The following SLC23A2 variants were observed in gnomAD, a reference collection of about 807,000 sequenced individuals.
The protein encoded by SLC23A2 is solute carrier family 23 member 2.
A neutral mutation model predicts 73.3 loss-of-function variants in SLC23A2; 36 were observed. The observed-to-expected ratio is 0.49, with a 90% CI of 0.38 to 0.65. The LOEUF is 0.65. SLC23A2 is among the 30% of genes least tolerant of loss of function. The pLI is 0.00. For synonymous variants in SLC23A2, 343 were observed against 327.3 expected (o/e 1.05, Z -0.52); for missense variants, 507 against 841.6 (o/e 0.60, Z 4.92).
At position 4,853,009 on chromosome 20, in the gene SLC23A2, G is replaced by A. The variant is rs1929582522; in HGVS notation, c.*3963C>T. The A allele has an allele frequency of 6.6e-6, 1 of 152,470 alleles. No individual in the cohort carries two copies. The highest frequency in any genetic ancestry group is 1.5e-5 in the Non-Finnish European group (1 of 68,104). 9.4% of individuals were successfully genotyped at this position (152,470 alleles called of 1,614,324 possible). A position where few individuals can be genotyped will look rare whatever the true frequency, so the allele number is the denominator to read the frequency against. On this transcript the variant is annotated 3_prime_UTR_variant, in exon 17 of 17. Transcript: ENST00000338244. ...CACTACTCGGGTTCTGACTGCAGGA[G>A]GGGCAGAGGGTGGTCGATGTCCTAG...
At chr20:4,925,277 T>C (rs1600139317) in intron 3 of SLC23A2, among the ~76,000 whole-genome samples, 1 of 152,170 alleles carries the variant, frequency 6.6e-6, no homozygotes, top group East Asian at 1.9e-4. Flanking sequence ...ACACAGTTCC[T>C]ATTTTTAAAA....
At chr20:4,908,791 G>C (rs985798981) in intron 4 of SLC23A2, among the ~76,000 whole-genome samples, 2 of 152,172 alleles carry the variant, frequency 1.3e-5, no homozygotes, top group African/African-American at 4.8e-5. Flanking sequence ...AGCCAGGTGT[G>C]GTGGTGCACG....
rs2122804690 is a variant in SLC23A2, at chr20:4,874,460, C to T, written c.945+116G>A. Reference sequence around the variant, plus strand: ...TGAGTGGTCATTAGTAGCCTGGTCTCACTGCACAGATATGATCCCCCAAGG... The same window carrying T: ...TGAGTGGTCATTAGTAGCCTGGTCTTACTGCACAGATATGATCCCCCAAGG... On this transcript the variant is annotated intron_variant, in intron 10 of 16. Coordinates refer to ENST00000338244, the MANE Select transcript of SLC23A2 (RefSeq NM_005116.6). The T allele has an allele frequency of 4.3e-6, 4 of 922,774 alleles. No individual in the cohort carries two copies. The South Asian group carries it at 6.7e-5, about 15-fold the overall frequency. The allele number at this position is 922,774 out of a possible 1,614,324, so 57.2% of individuals were successfully genotyped here.
In SLC23A2 at chr20:4,912,960, C is replaced by A. The variant is rs368985081; in HGVS notation, c.127G>T (p.Ala43Ser). The change falls in exon 4 of 17, where the codon GCC becomes TCC. Residue 43 changes from alanine to serine, a missense_variant. Physicochemically the swap from Ala to Ser is moderately conservative, Grantham distance 99. Coordinates refer to ENST00000338244, the MANE Select transcript of SLC23A2 (RefSeq NM_005116.6). ...TTGTCCTGCTCACCGCTGGAGGTGGCGCCTCCATTTATCACCACCTGCAGA... is the reference window on the plus strand; with the variant it reads ...TTGTCCTGCTCACCGCTGGAGGTGGAGCCTCCATTTATCACCACCTGCAGA... ...FTLPVVINGG[A>S]TSSGEQDNED... is the part of the protein sequence containing the mutation. 6 of 1,611,232 alleles carry A rather than the reference C, an allele frequency of 3.7e-6. No individual in the cohort carries two copies. The highest frequency in any genetic ancestry group is 5.1e-6 in the Non-Finnish European group (6 of 1,177,972).
intron 1 of SLC23A2, among the ~76,000 whole-genome samples, chr20:4,986,652 AC>A (rs2087833655): frequency 2.1e-5 from 1 of 47,176 alleles, no homozygotes; most frequent in Non-Finnish European, 3.9e-5. Flanking sequence ...ACACACATAC[AC>A]ACACACACAC....
At chr20:4,882,824 C>T (rs1930944451) in intron 9 of SLC23A2, among the ~76,000 whole-genome samples, 1 of 152,184 alleles carries the variant, frequency 6.6e-6, no homozygotes, top group African/African-American at 2.4e-5. Flanking sequence ...TTTCACAAAA[C>T]AGAGCAAATG....
chr20:4,957,626 C>T (rs367840603), intron 2 of SLC23A2, among the ~76,000 whole-genome samples: 3 of 150,980 alleles, frequency 2.0e-5, no homozygotes, highest in Non-Finnish European at 4.4e-5. Flanking sequence ...ACAGGCTGAG[C>T]GCAGTGGCTC....
chr20:4,856,733 C>T lies in SLC23A2; in HGVS notation c.*239G>A, dbSNP rs1568597943. The T allele has an allele frequency of 2.2e-6, 1 of 461,822 alleles. No homozygotes were observed. The highest frequency in any genetic ancestry group is 3.9e-6 in the Non-Finnish European group (1 of 259,228). The allele number at this position is 461,822 out of a possible 1,614,324, so 28.6% of individuals were successfully genotyped here. A position where few individuals can be genotyped will look rare whatever the true frequency, so the allele number is the denominator to read the frequency against. On this transcript the variant is annotated 3_prime_UTR_variant, in exon 17 of 17. Coordinates refer to ENST00000338244, the MANE Select transcript of SLC23A2 (RefSeq NM_005116.6). This position sits in a 1 kb window ranked among gnomAD's most constrained non-coding sequence, Gnocchi z 4.6. ...GGACTGGAACTTCAAATTTAGTGAC[C>T]ATGGCCAGCAATGGACACTCTCAAA... is the stretch of plus-strand genomic sequence containing the variant.
At chr20:5,006,222 C>G (rs531905070), upstream of SLC23A2, among the ~76,000 whole-genome samples, 6 of 151,700 alleles carry the variant, frequency 4.0e-5, no homozygotes, top group Admixed American at 1.3e-4. Flanking sequence ...CTCAGCCTCC[C>G]GAGTAGCTGG....
At chr20:4,953,317 A>G (rs1157561375) in intron 2 of SLC23A2, among the ~76,000 whole-genome samples, 1 of 152,012 alleles carries the variant, frequency 6.6e-6, no homozygotes, top group African/African-American at 2.4e-5. Context: ...AAATAATAAT[A>G]ATAAAATTAA....
At chr20:5,000,568 G>T (rs1438980658) in intron 1 of SLC23A2, among the ~76,000 whole-genome samples, 1 of 152,152 alleles carries the variant, frequency 6.6e-6, no homozygotes, top group Non-Finnish European at 1.5e-5. Flanking sequence ...TGCAGACCCA[G>T]AAAGCCCTTA....
chr20:4,988,285 A>G (rs2087863675), intron 1 of SLC23A2, among the ~76,000 whole-genome samples: 1 of 152,110 alleles, frequency 6.6e-6, no homozygotes, highest in Non-Finnish European at 1.5e-5. Context: ...TTGGGCAACA[A>G]GAGCAAAACT....
intron 1 of SLC23A2, among the ~76,000 whole-genome samples, chr20:4,974,048 T>A (rs773141623): frequency 5.3e-5 from 8 of 152,192 alleles, no homozygotes. Flanking sequence ...GGATGTTAAC[T>A]CTTCAAAAGC....
intron 6 of SLC23A2, among the ~76,000 whole-genome samples, chr20:4,897,225 C>T (rs1931568621): frequency 6.6e-6 from 1 of 152,208 alleles, no homozygotes; most frequent in Non-Finnish European, 1.5e-5. Flanking sequence ...ACCCCGACAA[C>T]CATAGAAAAC....
intron 9 of SLC23A2, among the ~76,000 whole-genome samples, chr20:4,881,051 G>A (rs921915203): frequency 6.6e-5 from 10 of 152,334 alleles, no homozygotes; most frequent in Middle Eastern, 3.4e-3. Context: ...AGGGCAGGAT[G>A]GGCTGTGTGG....
At chr20:5,000,391 A>C (rs2088098735) in intron 1 of SLC23A2, among the ~76,000 whole-genome samples, 1 of 152,144 alleles carries the variant, frequency 6.6e-6, no homozygotes, top group Non-Finnish European at 1.5e-5. Context: ...TCACATGGCC[A>C]ATTAGTGACA....
Position 4,976,744 on chromosome 20 carries a change from G to A in SLC23A2, c.-281-5825C>T, listed in dbSNP as rs139849706. On this transcript the variant is annotated intron_variant, in intron 1 of 16. Coordinates refer to ENST00000338244, the MANE Select transcript of SLC23A2 (RefSeq NM_005116.6). Reference sequence around the variant, plus strand: ...AATCCCAGCACTTTGGGAGGCTGAGGCAGCAGATCATGAGGTCAAGAGATC... The same window carrying A: ...AATCCCAGCACTTTGGGAGGCTGAGACAGCAGATCATGAGGTCAAGAGATC... 1.8e-4 allele frequency among the ~76,000 whole-genome samples: 27 copies of A among 152,178 alleles called. 1 individual carries two copies. The East Asian group carries it at 5.2e-3, about 29-fold the overall frequency.
chr20:4,955,384 CA>C (rs1568640987), intron 2 of SLC23A2, among the ~76,000 whole-genome samples: 3 of 151,848 alleles, frequency 2.0e-5, no homozygotes, highest in African/African-American at 7.3e-5. Flanking sequence ...CACACACACA[CA>C]CACACACACA....
At chr20:4,867,913 A>G (rs1225205880) in intron 12 of SLC23A2, 38 bp from the exon 13 acceptor site, 1 of 1,160,906 alleles carries the variant, frequency 8.6e-7, no homozygotes, top group Non-Finnish European at 1.3e-6. Context: ...AAATCATTCA[A>G]TGGGATAATG....
Sources: gnomAD v4.1 joint callset for allele counts (sites outside exome capture counted in the v4.1 genomes callset) on GRCh38, gnomAD v4.1.1 for gene constraint, Gnocchi (gnomAD v3.1) non-coding constraint, MANE v1.5 for transcripts, NCBI Gene and HGNC (gene_info 2026-07-23, HGNC 2026-07-21) for gene names.